The following DPYD variants were observed in gnomAD, a reference collection of about 807,000 sequenced individuals.
DPYD encodes dihydropyrimidine dehydrogenase.
DPYD carries 109 observed loss-of-function variants against 116.2 expected under a neutral mutation model. That is an observed-to-expected ratio of 0.94 (90% CI 0.80 to 1.10). The LOEUF (loss-of-function observed/expected upper bound fraction) is 1.10. Among genes scored for constraint, DPYD ranks in the 50% least tolerant of loss-of-function variants. The pLI is 0.00. For missense variants in DPYD, 1,302 were observed against 1,254.5 expected (o/e 1.04, Z -0.57); for synonymous variants, 440 against 432.0 (o/e 1.02, Z -0.23).
chr1:97,547,207 T>C (rs1196438053), intron 12 of DPYD, among the ~76,000 whole-genome samples: 2 of 152,020 alleles, frequency 1.3e-5, no homozygotes, highest in Admixed American at 1.3e-4. Flanking sequence ...CAAATGATAA[T>C]AAATCCTTTG....
intron 7 of DPYD, among the ~76,000 whole-genome samples, chr1:97,681,799 GA>G (rs1660441352): frequency 6.6e-6 from 1 of 152,050 alleles, no homozygotes; most frequent in African/African-American, 2.4e-5. Flanking sequence ...AGACATAAAA[GA>G]AAACACCAGG....
intron 12 of DPYD, among the ~76,000 whole-genome samples, chr1:97,538,634 AC>A (rs1650196423): frequency 1.3e-5 from 2 of 152,182 alleles, no homozygotes; most frequent in South Asian, 4.1e-4. Context: ...TTCAAAATAT[AC>A]CCATATACTA....
chr1:97,287,594 T>C (rs111834329), intron 18 of DPYD, among the ~76,000 whole-genome samples: 2,265 of 152,264 alleles, frequency 0.015, 39 homozygotes, highest in Middle Eastern at 0.044. Context: ...AGTTGGAGCT[T>C]TCTGGCTGCT....
intron 18 of DPYD, among the ~76,000 whole-genome samples, chr1:97,252,583 G>A (rs979024674): frequency 2.6e-5 from 4 of 152,134 alleles, no homozygotes; most frequent in Admixed American, 6.6e-5. Context: ...TCTAGTTACA[G>A]AGGCAGAGCT....
At chr1:97,633,174 G>T (rs1657370162) in intron 8 of DPYD, among the ~76,000 whole-genome samples, 1 of 151,942 alleles carries the variant, frequency 6.6e-6, no homozygotes, top group African/African-American at 2.4e-5. Flanking sequence ...AAGAATTTTG[G>T]GTCAAGATAG....
chr1:97,846,131 A>C (rs1484024489), intron 2 of DPYD, among the ~76,000 whole-genome samples: 1 of 152,190 alleles, frequency 6.6e-6, no homozygotes, highest in East Asian at 1.9e-4. Flanking sequence ...GGCATGGGCA[A>C]TACTCAGGCA....
At chr1:97,173,385 C>CGTACTGTATATAT (rs1553228064) in intron 20 of DPYD, among the ~76,000 whole-genome samples, 13 of 121,806 alleles carry the variant, frequency 1.1e-4, no homozygotes, top group Non-Finnish European at 1.9e-4. Flanking sequence ...TGTGTATATA[C>CGTACTGTATATAT]GTACATATAT....
At chr1:97,166,815 A>G (rs1656360848) in intron 20 of DPYD, among the ~76,000 whole-genome samples, 3 of 152,188 alleles carry the variant, frequency 2.0e-5, no homozygotes, top group Admixed American at 2.0e-4. Context: ...CTCCAGACAT[A>G]AGCAAGAATT....
rs1672149914 is a variant in DPYD, at chr1:97,383,997, C to CGGCT, written c.1906-1537_1906-1536insAGCC. Among the ~76,000 whole-genome samples, 4 of 152,136 alleles carry CGGCT rather than the reference C, an allele frequency of 2.6e-5. No individual in the cohort carries two copies. The South Asian group carries it at 6.2e-4, about 24-fold the overall frequency. On this transcript the variant is annotated intron_variant, in intron 14 of 22. Coordinates refer to ENST00000370192, the MANE Select transcript of DPYD (RefSeq NM_000110.4). ...GGTGCCCTGCCCCTGTAGTCCCAGC[C>CGGCT]ACTCAGGAAGCTGAGATGGGAGGAT...
At chr1:97,118,476 T>C (rs12130586) in intron 20 of DPYD, among the ~76,000 whole-genome samples, 20,835 of 152,082 alleles carry the variant, frequency 0.14, 1,592 homozygotes, top group Admixed American at 0.17. Flanking sequence ...GAGATAACTA[T>C]AAAGTAGATT....
intron 13 of DPYD, among the ~76,000 whole-genome samples, chr1:97,466,857 C>T (rs758295563): frequency 5.9e-5 from 9 of 151,946 alleles, no homozygotes; most frequent in Non-Finnish European, 1.2e-4. Context: ...CATATATTAC[C>T]CATAAATATA....
chr1:97,251,800 G>T (rs1663119709), intron 18 of DPYD, among the ~76,000 whole-genome samples: 1 of 152,144 alleles, frequency 6.6e-6, no homozygotes, highest in Non-Finnish European at 1.5e-5. Context: ...AGCCAGGCAT[G>T]CTAAAAATCA....
At chr1:97,335,463 A>G (rs1025885090) in intron 16 of DPYD, among the ~76,000 whole-genome samples, 1 of 152,172 alleles carries the variant, frequency 6.6e-6, no homozygotes, top group Non-Finnish European at 1.5e-5. Context: ...CTTTGAGCTC[A>G]TATCACCTTC....
At chr1:97,195,454 G>T (rs1201465346) in intron 19 of DPYD, among the ~76,000 whole-genome samples, 1 of 146,502 alleles carries the variant, frequency 6.8e-6, no homozygotes, top group Non-Finnish European at 1.5e-5. Context: ...CCTCATTGTT[G>T]CTAGGTTGGT....
At chr1:97,735,719 T>A (rs1663901081) in intron 4 of DPYD, among the ~76,000 whole-genome samples, 2 of 147,514 alleles carry the variant, frequency 1.4e-5, no homozygotes, top group Non-Finnish European at 3.0e-5. Context: ...AATAAATAAA[T>A]AAATAAATAA....
At chr1:97,409,672 C>T (rs1157315422) in intron 14 of DPYD, among the ~76,000 whole-genome samples, 1 of 151,988 alleles carries the variant, frequency 6.6e-6, no homozygotes, top group Non-Finnish European at 1.5e-5. Context: ...TGTTGCATAC[C>T]CTCCCACTTG....
At chr1:97,650,680 C>T (rs1318812548) in intron 8 of DPYD, among the ~76,000 whole-genome samples, 1 of 151,912 alleles carries the variant, frequency 6.6e-6, no homozygotes, top group Non-Finnish European at 1.5e-5. Flanking sequence ...TCTCATAAAC[C>T]ACAAAAGAAG....
rs552362362 is a variant in DPYD at position 97,828,056 on chromosome 1, G to A, written c.233+58C>T. The A allele has an allele frequency of 1.2e-4, 175 of 1,512,022 alleles. 3 individuals are homozygous for A. In the South Asian group the frequency reaches 1.9e-3, roughly 16 times the overall value. 93.7% of individuals were successfully genotyped at this position (1,512,022 alleles called of 1,614,324 possible). A position where few individuals can be genotyped will look rare whatever the true frequency, so the allele number is the denominator to read the frequency against. On this transcript the variant is annotated intron_variant, in intron 3 of 22. Transcript: ENST00000370192. ...TGAACTCATTTGTTCCCCAAATAAT[G>A]AAGAATGACTTTTTCTTTACCACAT... is the stretch of plus-strand genomic sequence containing the variant.
chr1:97,868,761 C>T (rs1247022312), intron 2 of DPYD, among the ~76,000 whole-genome samples: 2 of 151,756 alleles, frequency 1.3e-5, no homozygotes, highest in Admixed American at 1.3e-4. Flanking sequence ...ATATTATACC[C>T]TACTGCCTCA....
Sources: gnomAD v4.1 joint callset for allele counts (sites outside exome capture counted in the v4.1 genomes callset) on GRCh38, gnomAD v4.1.1 for gene constraint, MANE v1.5 for transcripts, NCBI Gene and HGNC (gene_info 2026-07-23, HGNC 2026-07-21) for gene names.